TNRC6C: variants seen among roughly 807,000 people sequenced by gnomAD.
TNRC6C encodes the protein trinucleotide repeat-containing gene 6C protein.
TNRC6C carries 20 observed loss-of-function variants against 153.7 expected under a neutral mutation model. The observed-to-expected ratio is 0.13, with a 90% CI of 0.09 to 0.19. The LOEUF (loss-of-function observed/expected upper bound fraction) is 0.19, where lower values mean the gene tolerates loss of function less well. TNRC6C is among the 10% of genes least tolerant of loss of function. TNRC6C has a pLI of 1.00. For missense variants in TNRC6C, 1,987 were observed against 2,172.0 expected (o/e 0.91, Z 1.69); for synonymous variants, 811 against 841.4 (o/e 0.96, Z 0.63).
intron 1 of TNRC6C, among the ~76,000 whole-genome samples, chr17:77,983,476 T>G (rs2071111005): frequency 6.6e-6 from 1 of 152,230 alleles, no homozygotes; most frequent in African/African-American, 2.4e-5. Context: ...TGTCTCTTAG[T>G]ACTTCTTTGC....
In TNRC6C at chr17:77,997,745, C is replaced by G. The variant is rs531847122; in HGVS notation, c.-37-6425C>G. On this transcript the variant is annotated intron_variant, in intron 1 of 22. Coordinates refer to the TNRC6C transcript ENST00000636222. ...GATCTCAGCTCACTGCAAGCTCCGC[C>G]TCCTGGGTTCATGCCACTCCTGCCT... Among the ~76,000 whole-genome samples the G allele has an allele frequency of 2.4e-4, 36 of 152,216 alleles. No individual in the cohort carries two copies. In the East Asian group the frequency reaches 6.8e-3, roughly 29 times the overall value.
chr17:78,065,251 C>G (rs747155226), intron 4 of TNRC6C, among the ~76,000 whole-genome samples: 1 of 151,760 alleles, frequency 6.6e-6, no homozygotes, highest in Non-Finnish European at 1.5e-5. Flanking sequence ...ATTCGGGAGG[C>G]TATGGTGGGA....
chr17:77,957,692 A>C (rs1049781453), upstream of TNRC6C, among the ~76,000 whole-genome samples: 22 of 152,238 alleles, frequency 1.4e-4, no homozygotes, highest in Non-Finnish European at 5.9e-5. Context: ...CTTGCATGAA[A>C]ATGGAGAAAA....
chr17:77,971,970 G>C (rs1346197968), intron 1 of TNRC6C, among the ~76,000 whole-genome samples: 1 of 151,614 alleles, frequency 6.6e-6, no homozygotes, highest in African/African-American at 2.4e-5. Context: ...ATTAGAAAAG[G>C]AGAAAGATCA....
Position 78,025,428 on chromosome 17 carries a change from A to C in TNRC6C, c.-545-6088A>C, listed in dbSNP as rs146180081. ...TCTATGTTTTCATGACTTGATAACT[A>C]ATTTTTTTAAATCACGTAATGTTCC... On this transcript the variant is annotated intron_variant, in intron 1 of 19. Transcript: ENST00000301624. Among the ~76,000 whole-genome samples the C allele has an allele frequency of 8.5e-5, 13 of 152,300 alleles. No individual in the cohort carries two copies. The East Asian group carries it at 2.3e-3, about 27-fold the overall frequency.
At chr17:77,986,442 T>G (rs925135090) in intron 1 of TNRC6C, among the ~76,000 whole-genome samples, 3 of 118,884 alleles carry the variant, frequency 2.5e-5, no homozygotes, top group Non-Finnish European at 3.7e-5. Context: ...GAAGAAGAAA[T>G]GACAATTTCA....
chr17:77,973,736 T>G (rs546372214), intron 1 of TNRC6C, among the ~76,000 whole-genome samples: 1 of 152,232 alleles, frequency 6.6e-6, no homozygotes, highest in Admixed American at 6.5e-5. Context: ...ACTCATTCAC[T>G]ATAACATCAA....
chr17:78,049,997 G>T lies in TNRC6C; in HGVS notation c.935G>T (p.Gly312Val). The T allele has an allele frequency of 3.7e-6, 6 of 1,613,944 alleles. No homozygotes were observed. Among genetic ancestry groups the T allele is most frequent in the East Asian group, 2.2e-5 (1 of 44,892 alleles). ...GCTGGTCCTGGAATACTCGCCTGGG[G>T]AAGGGGCAGTGGCAACAATGGCGTT... The change falls in exon 3 of 20, where the codon GGA becomes GTA. Residue 312 changes from glycine to valine, a missense_variant. By Grantham distance (109) the Gly-to-Val change is moderately radical (BLOSUM62 -3). Around this residue, in one of 4 missense-constraint regions of TNRC6C, gnomAD observed 1,052 missense variants for 1,017.0 expected, o/e 1.03. Transcript: ENST00000301624. The surrounding 1 kb of genome is among the most constrained non-coding windows in gnomAD (Gnocchi z 4.1).
chr17:77,961,452 G>A lies in TNRC6C; in HGVS notation c.-38+2184G>A, dbSNP rs534030850. 1.7e-3 allele frequency among the ~76,000 whole-genome samples: 260 copies of A among 152,222 alleles called. 1 individual carries two copies. The highest frequency in any genetic ancestry group is 6.2e-3 in the African/African-American group (258 of 41,524). On this transcript the variant is annotated intron_variant, in intron 1 of 22. Transcript: ENST00000636222. The stretch of plus-strand genomic sequence containing the variant: ...ATTACAGGCGTGAGCCACCACGCTC[G>A]GCCGGTTTTACTTTTAAGGTATGAA...
intron 11 of TNRC6C, 98 bp from the exon 14 acceptor site, chr17:78,086,405 T>A: frequency 9.9e-7 from 1 of 1,008,710 alleles, no homozygotes; most frequent in Non-Finnish European, 1.5e-6. Context: ...GTGGCTAGGT[T>A]CTCTTTTTTT....
intron 16 of TNRC6C, among the ~76,000 whole-genome samples, chr17:78,096,200 G>A (rs1027765711): frequency 3.3e-5 from 5 of 152,058 alleles, no homozygotes; most frequent in South Asian, 2.1e-4. Context: ...ACTTACAAAC[G>A]GGAGCCCAAC....
Position 78,104,868 on chromosome 17 carries a change from G to A in TNRC6C, c.*23G>A, listed in dbSNP as rs746449439. 7.1e-7 allele frequency: 1 copy of A among 1,399,016 alleles called. No homozygotes were observed. Among genetic ancestry groups the A allele is most frequent in the Admixed American group, 3.2e-5 (1 of 31,098 alleles). 86.7% of individuals were successfully genotyped at this position (1,399,016 alleles called of 1,614,324 possible). ...TAGGCTCTGCCATCATCAGCACCAG[G>A]AGAGCCGACCCCTCCCGGGACCCCT... On this transcript the variant is annotated 3_prime_UTR_variant, in exon 20 of 20. Coordinates refer to ENST00000301624, the Ensembl canonical transcript of TNRC6C. This position sits in a 1 kb window ranked among gnomAD's most constrained non-coding sequence, Gnocchi z 6.2.
Position 78,049,088 on chromosome 17 carries a change from A to G in TNRC6C, c.26A>G (p.Asn9Ser). 1 of 1,554,368 alleles carries G rather than the reference A, an allele frequency of 6.4e-7. No individual in the cohort carries two copies. The highest frequency in any genetic ancestry group is 1.9e-5 in the Admixed American group (1 of 53,774). Residue 9 changes from asparagine to serine, a missense_variant, in exon 3 of 20, where the codon AAC becomes AGC. This residue lies in a region of TNRC6C where 1,052 missense variants were observed against 1,017.0 expected (regional missense o/e 1.03). Transcript: ENST00000301624. This position sits in a 1 kb window ranked among gnomAD's most constrained non-coding sequence, Gnocchi z 4.1. Reference sequence around the variant, plus strand: ...ATGGCTACAGGGAGTGCCCAGGGCAACTTCACTGGACATACCAAGAAGACA... The same window carrying G: ...ATGGCTACAGGGAGTGCCCAGGGCAGCTTCACTGGACATACCAAGAAGACA...
Position 78,093,144 on chromosome 17 carries a change from C to A in TNRC6C, c.4162+20C>A. On this transcript the variant is annotated intron_variant, in intron 15 of 19. Coordinates refer to ENST00000301624, the Ensembl canonical transcript of TNRC6C. ...CCCCAGGTAAGACCATGCAACACTTCTGTGCAACAGCAGCAGGTCAGAATG... is the reference window on the plus strand; with the variant it reads ...CCCCAGGTAAGACCATGCAACACTTATGTGCAACAGCAGCAGGTCAGAATG... 2 of 1,609,610 alleles carry A rather than the reference C, an allele frequency of 1.2e-6. No homozygotes were observed. Among genetic ancestry groups the A allele is most frequent in the Non-Finnish European group, 1.7e-6 (2 of 1,178,290 alleles).
rs551678883 is a variant in TNRC6C, at chr17:77,982,836, A to C, written c.-37-21334A>C. 1.2e-4 allele frequency among the ~76,000 whole-genome samples: 18 copies of C among 152,364 alleles called. No individual in the cohort carries two copies. In the East Asian group the frequency reaches 2.1e-3, roughly 18 times the overall value. On this transcript the variant is annotated intron_variant, in intron 1 of 22. Transcript: ENST00000636222. ...ACGGAGCAAGATTTCATGTCAAAAAAAAGGACAAGTTCAAAACAAGTAGTA... is the reference window on the plus strand; with the variant it reads ...ACGGAGCAAGATTTCATGTCAAAAACAAGGACAAGTTCAAAACAAGTAGTA...
Position 78,012,262 on chromosome 17 carries a change from G to C in TNRC6C, c.-546+7183G>C, listed in dbSNP as rs140306247. Among the ~76,000 whole-genome samples, 653 of 152,264 alleles carry C rather than the reference G, an allele frequency of 4.3e-3. 3 individuals carry two copies. The highest frequency in any genetic ancestry group is 6.1e-3 in the Non-Finnish European group (416 of 68,028). On this transcript the variant is annotated intron_variant, in intron 1 of 19. Coordinates refer to ENST00000301624, the Ensembl canonical transcript of TNRC6C. ...GTTAATTCATTAATTAACTTAAACA[G>C]TTAATAAATACCTGTTAGATGGCAG...
intron 1 of TNRC6C, among the ~76,000 whole-genome samples, chr17:78,029,194 A>G (rs2072008072): frequency 1.3e-5 from 2 of 152,224 alleles, no homozygotes; most frequent in African/African-American, 4.8e-5. Flanking sequence ...ACAGACGCCA[A>G]ACCACAGTTG....
At chr17:78,071,438 G>A (rs1331890707) in intron 6 of TNRC6C, among the ~76,000 whole-genome samples, 1 of 150,922 alleles carries the variant, frequency 6.6e-6, no homozygotes, top group Non-Finnish European at 1.5e-5. Context: ...TTTTTTTGGA[G>A]ACAGGGTCTT....
At chr17:78,013,921 G>C (rs896436335) in intron 1 of TNRC6C, among the ~76,000 whole-genome samples, 3 of 152,186 alleles carry the variant, frequency 2.0e-5, no homozygotes, top group African/African-American at 7.2e-5. Flanking sequence ...AAGAGGAGTT[G>C]TGCTCTTTTG....
Sources: allele counts gnomAD v4.1 joint callset (sites outside exome capture counted in the v4.1 genomes callset), GRCh38; gene constraint gnomAD v4.1.1; regional missense constraint gnomAD v4.1.1; non-coding constraint Gnocchi (gnomAD v3.1); transcripts MANE v1.5; gene names NCBI Gene and HGNC (gene_info 2026-07-23, HGNC 2026-07-21).